MAST2: variants seen among roughly 807,000 people sequenced by gnomAD.
MAST2 encodes microtubule-associated serine/threonine-protein kinase 2.
MAST2 carries 70 observed loss-of-function variants against 147.4 expected under a neutral mutation model. That is an observed-to-expected ratio of 0.47 (90% CI 0.39 to 0.58). The LOEUF (loss-of-function observed/expected upper bound fraction) is 0.58. Ranked by LOEUF, MAST2 falls within the 20% of genes least tolerant of loss-of-function variation. The probability of loss-of-function intolerance (pLI) is 0.00; values close to 1 mark genes in which losing one functional copy is unlikely to be tolerated. For synonymous variants in MAST2, 869 were observed against 896.8 expected (o/e 0.97, Z 0.55); for missense variants, 2,080 against 2,302.3 (o/e 0.90, Z 1.98).
In MAST2 at chr1:46,031,389, A is replaced by C. The variant is rs1557514683; in HGVS notation, c.2993-2A>C. On this transcript the variant is annotated splice_acceptor_variant, in intron 23 of 28. Transcript: ENST00000361297. LOFTEE classifies it high-confidence loss of function. This position sits in a 1 kb window ranked among gnomAD's most constrained non-coding sequence, Gnocchi z 4.1. The stretch of plus-strand genomic sequence containing the variant: ...GGTCTCACTGCTTACTTGGGCCTAC[A>C]GCTATGGAGACCCGAGGCCGTGGGA... 1 of 1,609,530 alleles carries C rather than the reference A, an allele frequency of 6.2e-7. No homozygotes were observed. The highest frequency in any genetic ancestry group is 1.3e-5 in the African/African-American group (1 of 74,974).
chr1:45,931,956 G>A (rs951085502), intron 4 of MAST2, among the ~76,000 whole-genome samples: 1 of 152,150 alleles, frequency 6.6e-6, no homozygotes, highest in Non-Finnish European at 1.5e-5. Flanking sequence ...CTCCCAAAGG[G>A]CTGGGATTAC....
At chr1:45,884,873 G>T (rs1458775343) in intron 4 of MAST2, among the ~76,000 whole-genome samples, 1 of 152,166 alleles carries the variant, frequency 6.6e-6, no homozygotes, top group Admixed American at 6.5e-5. Context: ...AAAATGAAGG[G>T]ATTGGCTACC....
chr1:45,879,599 C>A (rs1646758596), intron 3 of MAST2, among the ~76,000 whole-genome samples: 1 of 145,248 alleles, frequency 6.9e-6, no homozygotes, highest in African/African-American at 2.5e-5. Context: ...AAAGGCACCA[C>A]CAATAACTTT....
intron 4 of MAST2, among the ~76,000 whole-genome samples, chr1:45,925,839 C>T (rs948049192): frequency 2.0e-5 from 3 of 152,230 alleles, no homozygotes; most frequent in African/African-American, 7.2e-5. Context: ...GCAGTTCACT[C>T]TCAAAGCTTT....
At chr1:45,952,620 TAA>T (rs1659090401) in intron 4 of MAST2, among the ~76,000 whole-genome samples, 1 of 152,210 alleles carries the variant, frequency 6.6e-6, no homozygotes. Context: ...GCACTTATGC[TAA>T]GAGTAAGCTT....
Position 46,033,734 on chromosome 1 carries a change from G to A in MAST2, c.3538-68G>A. The A allele has an allele frequency of 2.5e-6, 4 of 1,582,772 alleles. No homozygotes were observed. The Admixed American group carries it at 5.2e-5, about 20-fold the overall frequency. On this transcript the variant is annotated intron_variant, in intron 26 of 28. Coordinates refer to ENST00000361297, the MANE Select transcript of MAST2 (RefSeq NM_015112.3). ...GTGGTATAGCCATGCCAGAAGGGAA[G>A]GATTGGGGGAGGGGAGGGGCAAGAA...
At chr1:45,878,567 C>T (rs1333868979) in intron 3 of MAST2, among the ~76,000 whole-genome samples, 1 of 151,900 alleles carries the variant, frequency 6.6e-6, no homozygotes, top group Non-Finnish European at 1.5e-5. Flanking sequence ...AAGTAAAGCT[C>T]CCTATTATAG....
At chr1:45,810,495 G>C (rs1215864695) in intron 1 of MAST2, among the ~76,000 whole-genome samples, 1 of 152,144 alleles carries the variant, frequency 6.6e-6, no homozygotes, top group African/African-American at 2.4e-5. Context: ...AGCCTTGATT[G>C]TTGAGGGTCT....
At position 45,839,129 on chromosome 1, in the gene MAST2, A is replaced by AT. The variant is rs370950575; in HGVS notation, c.468+9565dup. Among the ~76,000 whole-genome samples the AT allele has an allele frequency of 1.6e-3, 209 of 127,626 alleles. 4 individuals carry two copies. Among genetic ancestry groups the AT allele is most frequent in the African/African-American group, 5.7e-3 (182 of 32,092 alleles). The allele number at this position is 127,626 out of a possible 152,430, so 83.7% of individuals were successfully genotyped here. A position where few individuals can be genotyped will look rare whatever the true frequency, so the allele number is the denominator to read the frequency against. ...GCTGGGACTACAGGCACCATCACAA[A>AT]TTTTTTTTTTTTTTTTTGAGACGGA... On this transcript the variant is annotated intron_variant, in intron 3 of 28. Transcript: ENST00000361297.
intron 4 of MAST2, among the ~76,000 whole-genome samples, chr1:45,889,034 A>G (rs565242878): frequency 3.3e-5 from 5 of 152,066 alleles, no homozygotes; most frequent in South Asian, 4.2e-4. Context: ...AGCCATTGTA[A>G]TCTCTTGCCT....
At chr1:45,816,476 A>C (rs1412169244) in intron 1 of MAST2, among the ~76,000 whole-genome samples, 1 of 152,158 alleles carries the variant, frequency 6.6e-6, no homozygotes, top group Non-Finnish European at 1.5e-5. Context: ...AGAGAATTCA[A>C]AATACCCATT....
intron 4 of MAST2, among the ~76,000 whole-genome samples, chr1:45,887,000 G>C (rs1557869293): frequency 6.6e-6 from 1 of 152,068 alleles, no homozygotes; most frequent in African/African-American, 2.4e-5. Context: ...GCTAATTTTT[G>C]TATTTTTTGT....
At chr1:45,836,696 G>GTAT (rs1645112130) in intron 3 of MAST2, among the ~76,000 whole-genome samples, 1 of 152,072 alleles carries the variant, frequency 6.6e-6, no homozygotes, top group African/African-American at 2.4e-5. Flanking sequence ...CTTTATTGAG[G>GTAT]TATAATTTAC....
rs536944131 is a variant in MAST2, at chr1:46,015,702, G to A, written c.1189-3894G>A. On this transcript the variant is annotated intron_variant, in intron 10 of 28. Transcript: ENST00000361297. ...TAATCAATAGCTTACCAACCAAAAA[G>A]AGTCCAGGACCAGATGGATTCACAG... 7.4e-3 allele frequency among the ~76,000 whole-genome samples: 1,126 copies of A among 152,172 alleles called. 17 individuals are homozygous for A. The highest frequency in any genetic ancestry group is 0.026 in the African/African-American group (1,063 of 41,526).
At chr1:46,001,431 G>A (rs1439974601) in intron 6 of MAST2, among the ~76,000 whole-genome samples, 1 of 152,204 alleles carries the variant, frequency 6.6e-6, no homozygotes, top group Admixed American at 6.5e-5. Context: ...AAGTGTATTT[G>A]ACAAGGGTTT....
At chr1:46,030,332 T>C in intron 21 of MAST2, 94 bp downstream of exon 21, 1 of 1,220,240 alleles carries the variant, frequency 8.2e-7, no homozygotes, top group Non-Finnish European at 1.2e-6. Context: ...GCTCAGGGAG[T>C]TGGGGTTGGG....
chr1:45,982,817 C>T (rs1405008834), intron 5 of MAST2, among the ~76,000 whole-genome samples: 3 of 152,282 alleles, frequency 2.0e-5, no homozygotes, highest in African/African-American at 7.2e-5. Context: ...GTTGGAAGTG[C>T]GGCAGTCTTG....
At chr1:45,809,418 G>C (rs527686397) in intron 1 of MAST2, among the ~76,000 whole-genome samples, 3 of 152,220 alleles carry the variant, frequency 2.0e-5, no homozygotes, top group Admixed American at 6.5e-5. Flanking sequence ...TTGAGCAGGC[G>C]GGTTGCTTGA....
At chr1:45,937,578 C>T (rs925222505) in intron 4 of MAST2, among the ~76,000 whole-genome samples, 16 of 151,788 alleles carry the variant, frequency 1.1e-4, no homozygotes, top group African/African-American at 3.4e-4. Flanking sequence ...GGTGAAGCCC[C>T]GTCTCTACTA....
Sources: gnomAD v4.1 joint callset for allele counts (sites outside exome capture counted in the v4.1 genomes callset) on GRCh38, gnomAD v4.1.1 for gene constraint, Gnocchi (gnomAD v3.1) non-coding constraint, MANE v1.5 for transcripts, NCBI Gene and HGNC (gene_info 2026-07-23, HGNC 2026-07-21) for gene names.